TRAPPC13: variants seen among roughly 807,000 people sequenced by gnomAD.
TRAPPC13 encodes trafficking protein particle complex subunit 13, also known as REV7-interacting novel NHEJ regulator 1.
A neutral mutation model predicts 54.0 loss-of-function variants in TRAPPC13; 39 were observed. That is an observed-to-expected ratio of 0.72 (90% confidence interval 0.56 to 0.94). TRAPPC13 has a LOEUF of 0.94. Among genes scored for constraint, TRAPPC13 ranks in the 40% least tolerant of loss-of-function variants. The probability of loss-of-function intolerance (pLI) is 0.00; values close to 1 mark genes in which losing one functional copy is unlikely to be tolerated. For synonymous variants in TRAPPC13, 148 were observed against 167.7 expected, an observed-to-expected ratio of 0.88 and a Z score of 0.91; for missense variants, 386 against 488.1, an observed-to-expected ratio of 0.79 and a Z score of 1.97.
At chr5:65,645,070 C>T (rs959602317) in intron 4 of TRAPPC13, among the ~76,000 whole-genome samples, 4 of 149,480 alleles carry the variant, frequency 2.7e-5, no homozygotes, top group Non-Finnish European at 3.0e-5. Flanking sequence ...TGGTGACGGG[C>T]GCCTGTAATC....
chr5:65,642,306 G>A (rs559677867), intron 4 of TRAPPC13, among the ~76,000 whole-genome samples: 2 of 151,790 alleles, frequency 1.3e-5, no homozygotes, highest in South Asian at 2.1e-4. Flanking sequence ...CTGGGCAACA[G>A]TGTGAGACTC....
chr5:65,658,319 T>C, intron 8 of TRAPPC13, 49 bp from the exon 9 acceptor site: 1 of 1,525,492 alleles, frequency 6.6e-7, no homozygotes, highest in Non-Finnish European at 8.8e-7. Context: ...TTGAGATAAA[T>C]ATTTTAAATG....
intron 8 of TRAPPC13, among the ~76,000 whole-genome samples, chr5:65,656,307 C>T (rs929564931): frequency 6.6e-6 from 1 of 152,004 alleles, no homozygotes; most frequent in Admixed American, 6.6e-5. Context: ...GTTTTTCTTT[C>T]GTTTTATCTA....
At chr5:65,636,529 C>T (rs1366797566) in intron 3 of TRAPPC13, among the ~76,000 whole-genome samples, 2 of 151,790 alleles carry the variant, frequency 1.3e-5, no homozygotes, top group Non-Finnish European at 2.9e-5. Flanking sequence ...AGATATATAC[C>T]AAAATAAAAT....
At chr5:65,648,249 A>G (rs1204451067) in intron 5 of TRAPPC13, among the ~76,000 whole-genome samples, 1 of 152,142 alleles carries the variant, frequency 6.6e-6, no homozygotes, top group African/African-American at 2.4e-5. Context: ...GTTTACTTCT[A>G]CTTCTCTTTC....
At chr5:65,659,238 G>A (rs1756762252) in intron 9 of TRAPPC13, among the ~76,000 whole-genome samples, 1 of 152,066 alleles carries the variant, frequency 6.6e-6, no homozygotes, top group South Asian at 2.1e-4. Context: ...CAAGTATCTG[G>A]GACTATAGTC....
chr5:65,653,971 GA>G (rs1756564137), intron 7 of TRAPPC13, among the ~76,000 whole-genome samples: 3 of 152,090 alleles, frequency 2.0e-5, no homozygotes, highest in Admixed American at 2.0e-4. Context: ...TTTATAGTAT[GA>G]GGGGAAAATG....
chr5:65,662,019 T>C (rs929941071), intron 10 of TRAPPC13, 31 bp from the exon 11 acceptor site: 4 of 1,512,774 alleles, frequency 2.6e-6, no homozygotes, highest in Non-Finnish European at 3.6e-6. Flanking sequence ...TTGTGATAGA[T>C]ATACATTAAC....
At chr5:65,660,062 T>C (rs1195236337) in intron 9 of TRAPPC13, among the ~76,000 whole-genome samples, 2 of 151,804 alleles carry the variant, frequency 1.3e-5, no homozygotes, top group African/African-American at 4.8e-5. Flanking sequence ...AAAAGTTTGC[T>C]TTTATATTCT....
At chr5:65,644,881 CA>C (rs34137576) in intron 4 of TRAPPC13, among the ~76,000 whole-genome samples, 75,028 of 124,838 alleles carry the variant, frequency 0.6, 20,641 homozygotes, top group South Asian at 0.64. Flanking sequence ...ACTCCGTCTC[CA>C]AAAAAAAAAA....
At chr5:65,633,628 T>C (rs1755630697) in intron 1 of TRAPPC13, among the ~76,000 whole-genome samples, 1 of 152,094 alleles carries the variant, frequency 6.6e-6, no homozygotes, top group Non-Finnish European at 1.5e-5. Context: ...TCTGAAAAAT[T>C]TTACAAGTTT....
intron 3 of TRAPPC13, among the ~76,000 whole-genome samples, chr5:65,637,407 G>A (rs971952869): frequency 1.3e-4 from 20 of 152,046 alleles, no homozygotes; most frequent in South Asian, 2.1e-4. Context: ...TGAGGCGGGC[G>A]GATCATGAGA....
chr5:65,642,089 G>A (rs1367290523), intron 4 of TRAPPC13, among the ~76,000 whole-genome samples: 2 of 152,134 alleles, frequency 1.3e-5, no homozygotes, highest in Non-Finnish European at 2.9e-5. Flanking sequence ...TTGGGAGGCC[G>A]AGGCAGGTGG....
At chr5:65,640,541 T>G (rs1755927873) in intron 4 of TRAPPC13, among the ~76,000 whole-genome samples, 2 of 152,224 alleles carry the variant, frequency 1.3e-5, no homozygotes, top group Non-Finnish European at 1.5e-5. Flanking sequence ...CTAAAATATT[T>G]GCTAATGACT....
chr5:65,653,965 T>C (rs558201510), intron 7 of TRAPPC13, among the ~76,000 whole-genome samples: 1 of 152,258 alleles, frequency 6.6e-6, no homozygotes, highest in East Asian at 1.9e-4. Flanking sequence ...ATTTCATTTA[T>C]AGTATGAGGG....
chr5:65,633,297 T>C (rs538996807), intron 1 of TRAPPC13, among the ~76,000 whole-genome samples: 2 of 152,278 alleles, frequency 1.3e-5, no homozygotes, highest in South Asian at 4.2e-4. Context: ...TTTTTTTTTT[T>C]TGAGGCGGGG....
chr5:65,632,941 A>G (rs1029084137), intron 1 of TRAPPC13, among the ~76,000 whole-genome samples: 1 of 152,202 alleles, frequency 6.6e-6, no homozygotes, highest in African/African-American at 2.4e-5. Flanking sequence ...GAAGATCTGA[A>G]TAGCAGAACT....
chr5:65,626,271 T>C (rs1755224436), intron 1 of TRAPPC13: 1 of 152,228 alleles, frequency 6.6e-6, no homozygotes, highest in East Asian at 1.9e-4. Context: ...TAGCTAGTGA[T>C]TGAGGCAGTG....
chr5:65,631,513 C>T (rs1211281715), intron 1 of TRAPPC13, among the ~76,000 whole-genome samples: 2 of 152,032 alleles, frequency 1.3e-5, no homozygotes, highest in Admixed American at 6.6e-5. Context: ...GTTTTTTAGT[C>T]CTCACCCCCT....
Sources: gnomAD v4.1 joint callset for allele counts (sites outside exome capture counted in the v4.1 genomes callset) on GRCh38, gnomAD v4.1.1 for gene constraint, MANE v1.5 for transcripts, NCBI Gene and HGNC (gene_info 2026-07-23, HGNC 2026-07-21) for gene names.